PKP4: variants seen among roughly 807,000 people sequenced by gnomAD.
PKP4 encodes the protein plakophilin 4.
Under a neutral mutation model 145.1 loss-of-function variants are expected in PKP4, and 90 were observed. The observed-to-expected ratio is 0.62, with a 90% CI of 0.52 to 0.74. PKP4 has a LOEUF of 0.74. Among genes scored for constraint, PKP4 ranks in the 30% least tolerant of loss-of-function variants. The pLI is 0.00. For missense variants in PKP4, 1,340 were observed against 1,482.7 expected, an observed-to-expected ratio of 0.90 and a Z score of 1.58; for synonymous variants, 563 against 577.2, an observed-to-expected ratio of 0.98 and a Z score of 0.35.
chr2:158,508,207 T>A (rs866139429), intron 1 of PKP4, among the ~76,000 whole-genome samples: 95 of 139,700 alleles, frequency 6.8e-4, no homozygotes, highest in Middle Eastern at 7.5e-3. Flanking sequence ...AAAAAAAAAA[T>A]ACAAAAAATT....
At chr2:158,542,247 A>AT (rs2044588782) in intron 2 of PKP4, among the ~76,000 whole-genome samples, 1 of 152,036 alleles carries the variant, frequency 6.6e-6, no homozygotes, top group South Asian at 2.1e-4. Flanking sequence ...AAGTAATATT[A>AT]TTTTTCTATA....
intron 15 of PKP4, among the ~76,000 whole-genome samples, chr2:158,664,903 G>A (rs890222675): frequency 5.4e-4 from 82 of 151,876 alleles, no homozygotes; most frequent in African/African-American, 1.6e-3. Context: ...GTAGAACAGC[G>A]TTCACCTTCA....
rs1252558291 is a variant in PKP4 at position 158,577,291 on chromosome 2, C to T, written c.153C>T (p.Leu51=). The T allele has an allele frequency of 1.2e-6, 2 of 1,613,044 alleles. No individual in the cohort carries two copies. Among genetic ancestry groups the T allele is most frequent in the African/African-American group, 2.7e-5 (2 of 74,780 alleles). ...VKEQELQFQR[L]TRELEVERQI... ...CACAGGAGCTTCAGTTTCAGCGACT[C>T]ACCCGAGAACTGGAAGTGGAAAGGC... is the stretch of plus-strand genomic sequence containing the variant. Residue 51 remains leucine, a synonymous_variant, in exon 3 of 22, where the codon CTC becomes CTT. Transcript: ENST00000389759.
At chr2:158,636,855 GT>G (rs1462879150) in intron 9 of PKP4, among the ~76,000 whole-genome samples, 1 of 151,924 alleles carries the variant, frequency 6.6e-6, no homozygotes, top group East Asian at 1.9e-4. Context: ...TATATTCCAT[GT>G]TCCTATGAGA....
In PKP4 at chr2:158,642,543, G is replaced by A; in HGVS notation, c.1753G>A (p.Glu585Lys). ...TGACCTTCTGGACCACAGAGTTTTG[G>A]AAGTTCAGAAGAATGCTTGTGGTGC... ...LVDLLDHRVL[E>K]VQKNACGALR... Residue 585 changes from glutamate to lysine, a missense_variant, in exon 11 of 22, where the codon GAA (glutamate) becomes AAA (lysine). Transcript: ENST00000389759. The A allele has an allele frequency of 6.2e-7, 1 of 1,613,746 alleles. No homozygotes were observed. Among genetic ancestry groups the A allele is most frequent in the South Asian group, 1.1e-5 (1 of 91,048 alleles).
rs545049308 is a variant in PKP4, at chr2:158,631,562, A to C, written c.1154-191A>C. 1.6e-4 allele frequency among the ~76,000 whole-genome samples: 24 copies of C among 150,254 alleles called. No homozygotes were observed. In the South Asian group the frequency reaches 4.2e-3, roughly 26 times the overall value. Reference sequence around the variant, plus strand: ...CCACACCCAACTAATTTTTTTTTTTAATTATTTTTTGTAGAGATGGGGTCT... The same window carrying C: ...CCACACCCAACTAATTTTTTTTTTTCATTATTTTTTGTAGAGATGGGGTCT... On this transcript the variant is annotated intron_variant, in intron 7 of 21. Coordinates refer to ENST00000389759, the MANE Select transcript of PKP4 (RefSeq NM_003628.6).
In PKP4 at chr2:158,642,482, C is replaced by A; in HGVS notation, c.1696-4C>A. 6.3e-7 allele frequency: 1 copy of A among 1,588,334 alleles called. No homozygotes were observed. Among genetic ancestry groups the A allele is most frequent in the Non-Finnish European group, 8.6e-7 (1 of 1,162,572 alleles). ...GGCCTGGTACCTAATATTTTTCATT[C>A]TAGGTGTGTAGGTTAGGGGGAATCA... On this transcript the variant is annotated splice_polypyrimidine_tract_variant and splice_region_variant and intron_variant, in intron 10 of 21. Coordinates refer to ENST00000389759, the MANE Select transcript of PKP4 (RefSeq NM_003628.6).
chr2:158,680,174 C>T (rs1202530161), intron 21 of PKP4, among the ~76,000 whole-genome samples: 1 of 152,194 alleles, frequency 6.6e-6, no homozygotes, highest in East Asian at 1.9e-4. Context: ...CCTGAGATCT[C>T]AGGCTTTCTT....
chr2:158,458,263 G>C (rs1689178168), intron 1 of PKP4: 1 of 152,920 alleles, frequency 6.5e-6, no homozygotes, highest in Non-Finnish European at 1.5e-5. Context: ...TCCCTCCCCA[G>C]CTCTCGCCGC....
intron 1 of PKP4, among the ~76,000 whole-genome samples, chr2:158,522,790 A>G (rs1041258815): frequency 3.9e-5 from 6 of 152,140 alleles, no homozygotes; most frequent in African/African-American, 1.2e-4. Context: ...TGCGCGAGCC[A>G]AAGCAGGGCG....
chr2:158,521,551 C>T (rs1000247009), intron 1 of PKP4, among the ~76,000 whole-genome samples: 2 of 152,082 alleles, frequency 1.3e-5, no homozygotes, highest in Admixed American at 1.3e-4. Flanking sequence ...TTTTATGAAC[C>T]GCCTGATTAG....
chr2:158,558,657 G>A (rs1300160686), intron 2 of PKP4, among the ~76,000 whole-genome samples: 1 of 152,122 alleles, frequency 6.6e-6, no homozygotes, highest in Non-Finnish European at 1.5e-5. Flanking sequence ...TAAGTGGAGA[G>A]CCCTTGAAAT....
Position 158,578,599 on chromosome 2 carries a change from C to T in PKP4, c.245+1216C>T, listed in dbSNP as rs576259757. On this transcript the variant is annotated intron_variant, in intron 3 of 21. Coordinates refer to ENST00000389759, the MANE Select transcript of PKP4 (RefSeq NM_003628.6). ...CTTTAGCACCAAAAAGAACAACTCA[C>T]AAACTCAATAATATGGTATTATATA... is the stretch of plus-strand genomic sequence containing the variant. Among the ~76,000 whole-genome samples, 33 of 152,224 alleles carry T rather than the reference C, an allele frequency of 2.2e-4. No individual in the cohort carries two copies. The South Asian group carries it at 6.2e-3, about 29-fold the overall frequency.
chr2:158,495,819 G>A (rs898473579), intron 1 of PKP4, among the ~76,000 whole-genome samples: 5 of 148,402 alleles, frequency 3.4e-5, no homozygotes, highest in Non-Finnish European at 5.9e-5. Context: ...GGGCGACAGA[G>A]CAAGACTCTG....
chr2:158,480,957 A>G (rs1693258623), intron 1 of PKP4, among the ~76,000 whole-genome samples: 1 of 152,240 alleles, frequency 6.6e-6, no homozygotes. Flanking sequence ...GATTTCATGT[A>G]AATAGAATCA....
At chr2:158,463,640 G>A (rs1433928794) in intron 1 of PKP4, among the ~76,000 whole-genome samples, 1 of 152,146 alleles carries the variant, frequency 6.6e-6, no homozygotes, top group African/African-American at 2.4e-5. Flanking sequence ...TCTATAAAAT[G>A]AGGGAGTTGG....
chr2:158,622,836 A>C (rs903953648), intron 6 of PKP4, among the ~76,000 whole-genome samples: 1 of 152,238 alleles, frequency 6.6e-6, no homozygotes. Context: ...GCTCTGGACT[A>C]AATGCTAATG....
rs539556058 is a variant in PKP4 at position 158,637,965 on chromosome 2, A to C, written c.1563-2662A>C. Among the ~76,000 whole-genome samples the C allele has an allele frequency of 4.6e-5, 7 of 152,280 alleles. No homozygotes were observed. In the East Asian group the frequency reaches 1.2e-3, roughly 25 times the overall value. ...AATTGCCCAGCTCTGGCAGGAGCCC[A>C]CCCTCGGGGCTGTCTGGCCCTCATG... is the stretch of plus-strand genomic sequence containing the variant. On this transcript the variant is annotated intron_variant, in intron 9 of 21. Coordinates refer to ENST00000389759, the MANE Select transcript of PKP4 (RefSeq NM_003628.6).
chr2:158,459,398 A>G lies in PKP4; in HGVS notation c.-6+2180A>G, dbSNP rs538020730. Reference sequence around the variant, plus strand: ...TGTCTGACCAATCAGCTTTCTTCCAACACCTACTTTGTGTAGATCATGGAC... The same window carrying G: ...TGTCTGACCAATCAGCTTTCTTCCAGCACCTACTTTGTGTAGATCATGGAC... On this transcript the variant is annotated intron_variant, in intron 1 of 21. Transcript: ENST00000389759. Among the ~76,000 whole-genome samples the G allele has an allele frequency of 5.9e-5, 9 of 152,314 alleles. No homozygotes were observed. In the East Asian group the frequency reaches 1.7e-3, roughly 29 times the overall value.
Sources: allele counts gnomAD v4.1 joint callset (sites outside exome capture counted in the v4.1 genomes callset), GRCh38; gene constraint gnomAD v4.1.1; transcripts MANE v1.5; gene names NCBI Gene and HGNC (gene_info 2026-07-23, HGNC 2026-07-21).